Variants in GDA observed in about 807,000 individuals in gnomAD.
GDA encodes the protein cytoplasmic PSD-95 interactor.
GDA carries 18 observed loss-of-function variants against 59.6 expected under a neutral mutation model. The observed-to-expected ratio is 0.30, with a 90% CI of 0.21 to 0.45. GDA has a LOEUF of 0.45. Ranked by LOEUF, GDA falls within the 20% of genes least tolerant of loss-of-function variation. GDA has a pLI of 1.00. For synonymous variants in GDA, 201 were observed against 201.1 expected (o/e 1.00, Z 0.00); for missense variants, 427 against 552.3 (o/e 0.77, Z 2.27).
intron 2 of GDA, among the ~76,000 whole-genome samples, chr9:72,198,846 G>GATAGATATATATATATATATATATAT (rs1554669169): frequency 2.2e-4 from 28 of 128,642 alleles, no homozygotes; most frequent in African/African-American, 9.9e-4. Context: ...TATATAGGGG[G>GATAGATATATATATATATATATATAT]ATATATATAT....
intron 1 of GDA, among the ~76,000 whole-genome samples, chr9:72,130,968 G>A (rs1826005344): frequency 6.6e-6 from 1 of 152,188 alleles, no homozygotes; most frequent in South Asian, 2.1e-4. Context: ...GTATACCCAT[G>A]GAAGAGGATG....
intron 1 of GDA, among the ~76,000 whole-genome samples, chr9:72,154,983 A>T (rs1192460142): frequency 6.6e-6 from 1 of 152,218 alleles, no homozygotes; most frequent in Non-Finnish European, 1.5e-5. Flanking sequence ...ATAAATTAAC[A>T]GAATCTGCCA....
rs115185698 is a variant in GDA at position 72,234,819 on chromosome 9, C to A, written c.988+3638C>A. ...CAATTATCAACAAAACAATTAAAAACCAGTTTGCTTTCAGATGTTTTTGTT... is the reference window on the plus strand; with the variant it reads ...CAATTATCAACAAAACAATTAAAAAACAGTTTGCTTTCAGATGTTTTTGTT... On this transcript the variant is annotated intron_variant, in intron 10 of 13. Transcript: ENST00000358399. 6.9e-3 allele frequency among the ~76,000 whole-genome samples: 1,044 copies of A among 152,198 alleles called. 14 individuals are homozygous for A. The highest frequency in any genetic ancestry group is 0.024 in the African/African-American group (1,005 of 41,526).
chr9:72,190,401 A>G (rs144741349), intron 1 of GDA, among the ~76,000 whole-genome samples: 214 of 152,366 alleles, frequency 1.4e-3, no homozygotes, highest in Non-Finnish European at 2.4e-3. Flanking sequence ...TGCTGGGATT[A>G]CAGGCATGAG....
At chr9:72,139,822 C>T (rs983151782) in intron 1 of GDA, among the ~76,000 whole-genome samples, 2 of 152,138 alleles carry the variant, frequency 1.3e-5, no homozygotes, top group Non-Finnish European at 2.9e-5. Context: ...ATGAAAGCAT[C>T]TTGCAATAAC....
Position 72,231,164 on chromosome 9 carries a change from A to G in GDA, c.971A>G (p.Lys324Arg), listed in dbSNP as rs370557253. The change falls in exon 10 of 14, where the codon AAG (lysine) becomes AGG (arginine). Residue 324 changes from lysine (K) to arginine (R), a missense_variant. By Grantham distance (26) the Lys-to-Arg change is conservative. Coordinates refer to ENST00000358399, the MANE Select transcript of GDA (RefSeq NM_004293.5). ...CTAGAAGTCCTGAAACATGAAGTCA[A>G]GATAGGGCTGGGTACAGGTTAGTAG... ...NVLEVLKHEVKIGLGTDVAGG... is the reference protein window; with the variant it reads ...NVLEVLKHEVRIGLGTDVAGG... 5.7e-6 allele frequency: 9 copies of G among 1,581,690 alleles called. No homozygotes were observed. The highest frequency in any genetic ancestry group is 7.8e-6 in the Non-Finnish European group (9 of 1,150,528).
chr9:72,256,709 G>A (rs941012401), downstream of GDA, among the ~76,000 whole-genome samples: 2 of 152,198 alleles, frequency 1.3e-5, no homozygotes, highest in Non-Finnish European at 2.9e-5. Flanking sequence ...ATCACCATGG[G>A]TGTTGGTTCA....
At chr9:72,226,932 A>G (rs1294943291) in intron 8 of GDA, among the ~76,000 whole-genome samples, 2 of 152,134 alleles carry the variant, frequency 1.3e-5, no homozygotes, top group African/African-American at 4.8e-5. Flanking sequence ...CCTGGCTAAC[A>G]CGGTGAAACC....
intron 4 of GDA, among the ~76,000 whole-genome samples, chr9:72,213,597 A>T (rs2131466503): frequency 6.6e-6 from 1 of 152,004 alleles, no homozygotes; most frequent in East Asian, 1.9e-4. Context: ...AGGTCAGGAG[A>T]TCGAGACCAT....
chr9:72,234,118 C>G (rs1838690092), intron 10 of GDA, among the ~76,000 whole-genome samples: 1 of 152,008 alleles, frequency 6.6e-6, no homozygotes, highest in South Asian at 2.1e-4. Context: ...CAGATATATG[C>G]AAAATGTGGG....
intron 10 of GDA, among the ~76,000 whole-genome samples, chr9:72,237,757 A>T (rs1422091445): frequency 6.6e-6 from 1 of 152,108 alleles, no homozygotes; most frequent in Non-Finnish European, 1.5e-5. Context: ...TAGAGAATTC[A>T]TTTTTGCTAA....
At chr9:72,182,952 G>A (rs1831427397) in intron 1 of GDA, among the ~76,000 whole-genome samples, 2 of 152,168 alleles carry the variant, frequency 1.3e-5, no homozygotes, top group African/African-American at 2.4e-5. Flanking sequence ...GTGGGAGTTT[G>A]TTTAGAGTGG....
Position 72,210,698 on chromosome 9 carries a change from A to G in GDA, c.396A>G (p.Leu132=), listed in dbSNP as rs148805997. 7.2e-4 allele frequency: 1,154 copies of G among 1,602,452 alleles called. 3 individuals are homozygous for G. Among genetic ancestry groups the G allele is most frequent in the Middle Eastern group, 2.8e-3 (17 of 6,040 alleles). Residue 132 remains leucine, a synonymous_variant, in exon 4 of 14, where the codon CTA becomes CTG. Transcript: ENST00000358399. Reference sequence around the variant, plus strand: ...TGATTTATTTTTAGAGGAGAACACTAAAGAATGGAACAACCACAGCTTGTT... The same window carrying G: ...TGATTTATTTTTAGAGGAGAACACTGAAGAATGGAACAACCACAGCTTGTT... ...EVYTRVVRRT[L]KNGTTTACYF... is the part of the protein sequence containing the mutation.
intron 1 of GDA, among the ~76,000 whole-genome samples, chr9:72,163,258 T>G (rs181790422): frequency 6.6e-6 from 1 of 152,166 alleles, no homozygotes; most frequent in African/African-American, 2.4e-5. Flanking sequence ...TGAAGTCAAA[T>G]AAAACATAGA....
chr9:72,165,217 G>A (rs1340341369), intron 1 of GDA, among the ~76,000 whole-genome samples: 1 of 152,180 alleles, frequency 6.6e-6, no homozygotes, highest in Non-Finnish European at 1.5e-5. Flanking sequence ...GCATGCTGCT[G>A]TTGCCCATTT....
intron 5 of GDA, among the ~76,000 whole-genome samples, chr9:72,219,092 A>C (rs1262242160): frequency 6.6e-6 from 1 of 152,138 alleles, no homozygotes; most frequent in Non-Finnish European, 1.5e-5. Flanking sequence ...TCATGTTTTT[A>C]TCTTTTTAAA....
intron 2 of GDA, among the ~76,000 whole-genome samples, chr9:72,201,138 C>G (rs1833951086): frequency 6.6e-6 from 1 of 151,898 alleles, no homozygotes; most frequent in Non-Finnish European, 1.5e-5. Flanking sequence ...TCATGACAGC[C>G]CTATGATGCT....
At chr9:72,160,644 T>G (rs917699810) in intron 1 of GDA, among the ~76,000 whole-genome samples, 1 of 152,244 alleles carries the variant, frequency 6.6e-6, no homozygotes, top group Non-Finnish European at 1.5e-5. Flanking sequence ...GATGGACATT[T>G]GAGTTGTTTC....
chr9:72,184,485 C>G (rs1471608871), intron 1 of GDA, among the ~76,000 whole-genome samples: 3 of 152,184 alleles, frequency 2.0e-5, no homozygotes, highest in Non-Finnish European at 4.4e-5. Flanking sequence ...GTGTCTTTCA[C>G]TTAGTAATAT....
Sources: allele counts gnomAD v4.1 joint callset (sites outside exome capture counted in the v4.1 genomes callset), GRCh38; gene constraint gnomAD v4.1.1; transcripts MANE v1.5; gene names NCBI Gene and HGNC (gene_info 2026-07-23, HGNC 2026-07-21).